Variants in CPT1B observed in about 807,000 individuals in gnomAD.
CPT1B encodes carnitine O-palmitoyltransferase 1, muscle isoform.
CPT1B carries 57 observed loss-of-function variants against 92.7 expected under a neutral mutation model. The observed-to-expected ratio is 0.62, with a 90% CI of 0.50 to 0.77. The LOEUF (loss-of-function observed/expected upper bound fraction) is 0.77. Ranked by LOEUF, CPT1B falls within the 30% of genes least tolerant of loss-of-function variation. CPT1B has a pLI of 0.00. For synonymous variants in CPT1B, 398 were observed against 383.5 expected (o/e 1.04, Z -0.44); for missense variants, 983 against 1,017.4 (o/e 0.97, Z 0.46).
chr22:50,570,473 G>T, intron 16 of CPT1B, 67 bp from the exon 17 acceptor site: 1 of 1,273,414 alleles, frequency 7.9e-7, no homozygotes, highest in South Asian at 1.4e-5. Context: ...CGTGGTGTCT[G>T]CGACCTACTC....
At chr22:50,577,502 C>G (rs17848476) in intron 2 of CPT1B, 39 bp from the exon 3 acceptor site, 18 of 1,608,934 alleles carry the variant, frequency 1.1e-5, no homozygotes, top group Non-Finnish European at 1.4e-5. Flanking sequence ...AGCCGGAAGG[C>G]GGGAGGTTAG....
chr22:50,571,330 C>A (rs745993570), intron 14 of CPT1B, 38 bp from the exon 15 acceptor site: 88 of 1,613,544 alleles, frequency 5.5e-5, no homozygotes, highest in Non-Finnish European at 7.2e-5. Flanking sequence ...CAGGTGGACC[C>A]TGGTACCACC....
chr22:50,574,446 A>T, intron 8 of CPT1B, 27 bp from the exon 9 acceptor site: 1 of 1,613,594 alleles, frequency 6.2e-7, no homozygotes, highest in Non-Finnish European at 8.5e-7. Flanking sequence ...CATGGCTCAG[A>T]CTCAGGTCTC....
At chr22:50,571,604 T>G in intron 13 of CPT1B, 65 bp from the exon 14 acceptor site, 2 of 1,553,048 alleles carry the variant, frequency 1.3e-6, no homozygotes, top group Non-Finnish European at 8.7e-7. Context: ...GGGTCATGTC[T>G]AGGAGGCATG....
Position 50,573,085 on chromosome 22 carries a change from G to T in CPT1B, c.1167-25C>A. On this transcript the variant is annotated intron_variant, in intron 10 of 19. Transcript: ENST00000312108. The surrounding 1 kb of genome is among the most constrained non-coding windows in gnomAD (Gnocchi z 5.0). ...CCTGAAGCATGGGGCAGGGTAAGCA[G>T]TGGGCACGTGGACTTGGGATGAGGG... 1.3e-6 allele frequency: 2 copies of T among 1,574,772 alleles called. No homozygotes were observed. The highest frequency in any genetic ancestry group is 1.7e-6 in the Non-Finnish European group (2 of 1,151,816).
rs1803460 is a variant in CPT1B, at chr22:50,569,341, G to A, written c.2316C>T (p.Ser772=). The change falls in exon 19 of 20, where the codon AGC becomes AGT. Residue 772 remains serine (S), a synonymous_variant. Coordinates refer to ENST00000312108, the MANE Select transcript of CPT1B (RefSeq NM_152246.3). ...ADLFQVPKAY[S] Reference sequence around the variant, plus strand: ...GCAGCTGGCATTTCTCCAACCTTCAGCTGTAGGCCTTGGGAACTTGGAAAA... The same window carrying A: ...GCAGCTGGCATTTCTCCAACCTTCAACTGTAGGCCTTGGGAACTTGGAAAA... 1.2e-6 allele frequency: 2 copies of A among 1,614,006 alleles called. No individual in the cohort carries two copies. Among genetic ancestry groups the A allele is most frequent in the Non-Finnish European group, 1.7e-6 (2 of 1,179,938 alleles).
intron 7 of CPT1B, 88 bp downstream of exon 7, chr22:50,575,947 T>G: frequency 7.8e-7 from 1 of 1,286,254 alleles, no homozygotes; most frequent in Non-Finnish European, 1.1e-6. Context: ...AAGCTGCTAC[T>G]AGAGCTCTGG....
intron 7 of CPT1B, among the ~76,000 whole-genome samples, chr22:50,575,551 A>G (rs1603443450): frequency 6.6e-6 from 1 of 152,090 alleles, no homozygotes; most frequent in Admixed American, 6.6e-5. Context: ...AGACCCAGAG[A>G]CTCAGAAGGG....
At chr22:50,578,004 C>G in intron 1 of CPT1B, 70 bp from the exon 2 acceptor site, 1 of 1,161,174 alleles carries the variant, frequency 8.6e-7, no homozygotes, top group Non-Finnish European at 1.1e-6. Flanking sequence ...CCGAGACGCC[C>G]CCAGCCAGTC....
intron 19 of CPT1B, 36 bp downstream of exon 19, chr22:50,569,300 G>A (rs1156924567): frequency 1.9e-6 from 3 of 1,602,106 alleles, no homozygotes; most frequent in Non-Finnish European, 1.7e-6. Flanking sequence ...TTCCTCCACA[G>A]TGTGGGGACG....
At chr22:50,569,812 C>T in intron 17 of CPT1B, 144 bp from the exon 18 acceptor site, 1 of 700,726 alleles carries the variant, frequency 1.4e-6, no homozygotes, top group South Asian at 1.8e-5. Context: ...AGGACCACCC[C>T]CAGGAAACTG....
Position 50,573,652 on chromosome 22 carries a change from T to C in CPT1B, c.1034A>G (p.Lys345Arg). 3 of 1,613,372 alleles carry C rather than the reference T, an allele frequency of 1.9e-6. No homozygotes were observed. Among genetic ancestry groups the C allele is most frequent in the Non-Finnish European group, 1.7e-6 (2 of 1,179,974 alleles). Residue 345 changes from lysine to arginine, a missense_variant, in exon 10 of 20, where the codon AAG (lysine) becomes AGG (arginine). Coordinates refer to ENST00000312108, the MANE Select transcript of CPT1B (RefSeq NM_152246.3). The surrounding 1 kb of genome is among the most constrained non-coding windows in gnomAD (Gnocchi z 5.0). Reference protein sequence around the residue: ...VAVYHKGRFFKLWLYEGARLL... With the variant: ...VAVYHKGRFFRLWLYEGARLL... ...ACGGGCGCCCTCATAGAGCCACAGC[T>C]TGAAGAAGCGTCCCTTGTGGTAGAC...
intron 9 of CPT1B, 27 bp downstream of exon 9, chr22:50,574,308 C>G (rs1269687229): frequency 6.3e-7 from 1 of 1,588,834 alleles, no homozygotes; most frequent in African/African-American, 1.3e-5. Flanking sequence ...AGATGGCCCA[C>G]AGGTAGCAGC....
rs564998674 is a variant in CPT1B at position 50,571,616 on chromosome 22, C to G, written c.1576-77G>C. 60 of 1,504,952 alleles carry G rather than the reference C, an allele frequency of 4.0e-5. No individual in the cohort carries two copies. In the African/African-American group the frequency reaches 6.7e-4, roughly 17 times the overall value. The allele number at this position is 1,504,952 out of a possible 1,614,324, so 93.2% of individuals were successfully genotyped here. ...TCTGGGTCATGTCTAGGAGGCATGA[C>G]GTTTAGCTGGTGGAGAAAGGGCACA... On this transcript the variant is annotated intron_variant, in intron 13 of 19. Transcript: ENST00000312108.
chr22:50,570,959 C>T lies in CPT1B; in HGVS notation c.1960G>A (p.Asp654Asn), dbSNP rs762875003. ...AAGTAAAGGCAGAAGAGGTGCCTGT[C>T]GATCCCTGCCCCGGTCATGGCCAGG... ...YRLAMTGAGI[D>N]RHLFCLYLVS... Residue 654 changes from aspartate to asparagine, a missense_variant, in exon 16 of 20, where the codon GAC (aspartate) becomes AAC (asparagine). Coordinates refer to ENST00000312108, the MANE Select transcript of CPT1B (RefSeq NM_152246.3). 4 of 1,613,984 alleles carry T rather than the reference C, an allele frequency of 2.5e-6. No homozygotes were observed. Among genetic ancestry groups the T allele is most frequent in the South Asian group, 1.1e-5 (1 of 91,086 alleles).
chr22:50,577,135 G>C, intron 3 of CPT1B, 101 bp from the exon 4 acceptor site: 1 of 1,434,980 alleles, frequency 7.0e-7, no homozygotes, highest in Non-Finnish European at 9.6e-7. Context: ...AACCTCCCTG[G>C]GCACACTCAT....
At chr22:50,577,621 C>T (rs977908048) in intron 2 of CPT1B, among the ~76,000 whole-genome samples, 154 bp downstream of exon 2, 7 of 152,240 alleles carry the variant, frequency 4.6e-5, no homozygotes, top group African/African-American at 7.2e-5. Flanking sequence ...TCCCTGTGTC[C>T]GACCACATCC....
rs1569037670 is a variant in CPT1B, at chr22:50,569,330, T to C, written c.*2+6A>G. 1 of 1,613,766 alleles carries C rather than the reference T, an allele frequency of 6.2e-7. No homozygotes were observed. Among genetic ancestry groups the C allele is most frequent in the East Asian group, 2.2e-5 (1 of 44,882 alleles). ...GGGACGAAAGGGCAGCTGGCATTTC[T>C]CCAACCTTCAGCTGTAGGCCTTGGG... On this transcript the variant is annotated splice_donor_region_variant and intron_variant, in intron 19 of 19. Transcript: ENST00000312108.
At position 50,576,068 on chromosome 22, in the gene CPT1B, G is replaced by A. The variant is rs758228088; in HGVS notation, c.744C>T (p.Ser248=). 1 of 1,614,124 alleles carries A rather than the reference G, an allele frequency of 6.2e-7. No individual in the cohort carries two copies. Among genetic ancestry groups the A allele is most frequent in the East Asian group, 2.2e-5 (1 of 44,886 alleles). ...AATAGTTGCTGTTCACCATGAGAGG[G>A]CTCCTGCCTCGAAGGTAGATGTACT... The part of the protein sequence containing the change: ...WEEYIYLRGR[S]PLMVNSNYYV... The change falls in exon 7 of 20, where the codon AGC becomes AGT. Residue 248 remains serine, a synonymous_variant. Transcript: ENST00000312108.
Sources: gnomAD v4.1 joint callset for allele counts (sites outside exome capture counted in the v4.1 genomes callset) on GRCh38, gnomAD v4.1.1 for gene constraint, Gnocchi (gnomAD v3.1) non-coding constraint, MANE v1.5 for transcripts, NCBI Gene and HGNC (gene_info 2026-07-23, HGNC 2026-07-21) for gene names.